The following TMLHE variants were observed in gnomAD, a reference collection of about 807,000 sequenced individuals.
TMLHE encodes the protein trimethyllysine hydroxylase, epsilon, also known as trimethyllysine dioxygenase, mitochondrial.
TMLHE carries 18 observed loss-of-function variants against 25.7 expected under a neutral mutation model. That is an observed-to-expected ratio of 0.70 (90% CI 0.48 to 1.04). The LOEUF is 1.04. TMLHE is among the 50% of genes least tolerant of loss of function. TMLHE has a pLI of 0.00. For missense variants in TMLHE, 236 were observed against 259.0 expected (o/e 0.91, Z 0.61); for synonymous variants, 105 against 97.0 (o/e 1.08, Z -0.49).
At chrX:155,540,284 A>C (rs1279074028) in intron 2 of TMLHE, among the ~76,000 whole-genome samples, 2 of 111,608 alleles carry the variant, frequency 1.8e-5, no homozygotes, top group Non-Finnish European at 3.8e-5. Context: ...AGAATCTTGA[A>C]AGTGGCAAGA....
intron 5 of TMLHE, among the ~76,000 whole-genome samples, chrX:155,508,912 G>A (rs2067091365): frequency 9.0e-6 from 1 of 110,657 alleles, no homozygotes; most frequent in Non-Finnish European, 1.9e-5. Flanking sequence ...AAAAAACATG[G>A]CTGTAGCTAA....
rs2067491626 is a variant in TMLHE at position 155,560,657 on chromosome X, A to T, written c.-1-15380T>A. On this transcript the variant is annotated intron_variant, in intron 1 of 7. Transcript: ENST00000334398. ...AATGCAAAGGCTCTAAGTTGTGATT[A>T]TATCTGTTGTGGCCAAAAGAAAAAA... 3.8e-5 allele frequency among the ~76,000 whole-genome samples: 2 copies of T among 51,998 alleles called. 1 individual carries two copies. Among genetic ancestry groups the T allele is most frequent in the Non-Finnish European group, 1.1e-4 (2 of 18,871 alleles). 45.2% of individuals were successfully genotyped at this position (51,998 alleles called of 115,157 possible). A position where few individuals can be genotyped will look rare whatever the true frequency, so the allele number is the denominator to read the frequency against.
chrX:155,549,575 T>C lies in TMLHE; in HGVS notation c.-1-4298A>G, dbSNP rs782621979. Among the ~76,000 whole-genome samples the C allele has an allele frequency of 3.2e-4, 35 of 110,679 alleles. No individual in the cohort carries two copies. The South Asian group carries it at 5.7e-3, about 18-fold the overall frequency. On this transcript the variant is annotated intron_variant, in intron 1 of 7. Coordinates refer to ENST00000334398, the MANE Select transcript of TMLHE (RefSeq NM_018196.4). ...CCTTGCATTTCTGGAATAAACCCCA[T>C]TTGATTATGATATATTATCCTTTTT...
At chrX:155,537,147 G>A (rs1405808970) in intron 2 of TMLHE, among the ~76,000 whole-genome samples, 1 of 112,101 alleles carries the variant, frequency 8.9e-6, no homozygotes, top group Admixed American at 9.4e-5. Flanking sequence ...AATCAAGGCA[G>A]TAAAATCAGA....
rs1403524694 is a variant in TMLHE at position 155,551,973 on chromosome X, G to GT, written c.-1-6697dup. Among the ~76,000 whole-genome samples the GT allele has an allele frequency of 4.8e-4, 52 of 108,825 alleles. 1 individual carries two copies. Among genetic ancestry groups the GT allele is most frequent in the African/African-American group, 8.2e-4 (24 of 29,279 alleles). The allele number at this position is 108,825 out of a possible 115,157, so 94.5% of individuals were successfully genotyped here. On this transcript the variant is annotated intron_variant, in intron 1 of 7. Coordinates refer to ENST00000334398, the MANE Select transcript of TMLHE (RefSeq NM_018196.4). The stretch of plus-strand genomic sequence containing the variant: ...TCATAAATGGATGTTGAATTTTAGG[G>GT]TTTTTTTTGCATTTATTGATTTGAC...
chrX:155,542,301 C>T (rs781950187), intron 2 of TMLHE, among the ~76,000 whole-genome samples: 7 of 111,597 alleles, frequency 6.3e-5, no homozygotes, highest in South Asian at 7.6e-4. Context: ...ATAAACTTAA[C>T]CAAGTTAGTG....
At chrX:155,579,193 A>T (rs2067609874) in intron 1 of TMLHE, among the ~76,000 whole-genome samples, 1 of 53,095 alleles carries the variant, frequency 1.9e-5, no homozygotes, top group Non-Finnish European at 5.0e-5. Context: ...TAACCTACAG[A>T]TTAAATTGCA....
At chrX:155,574,992 G>A (rs1203347460) in intron 1 of TMLHE, among the ~76,000 whole-genome samples, 1 of 111,859 alleles carries the variant, frequency 8.9e-6, no homozygotes, top group African/African-American at 3.2e-5. Flanking sequence ...ACCTGTATTA[G>A]TTTACTAAGA....
At chrX:155,535,478 G>C (rs1384438296) in intron 2 of TMLHE, among the ~76,000 whole-genome samples, 2 of 111,392 alleles carry the variant, frequency 1.8e-5, no homozygotes, top group Non-Finnish European at 3.8e-5. Context: ...CCATCATGAG[G>C]ACTCCACCCT....
At chrX:155,601,185 C>T (rs1402454375) in intron 1 of TMLHE, among the ~76,000 whole-genome samples, 2 of 111,972 alleles carry the variant, frequency 1.8e-5, no homozygotes, top group Non-Finnish European at 3.8e-5. Flanking sequence ...AACAGACCTA[C>T]CCTACAAAAA....
At chrX:155,612,370 C>A (rs1347975470) in intron 1 of TMLHE, 2 of 111,691 alleles carry the variant, frequency 1.8e-5, no homozygotes, top group East Asian at 5.6e-4. Flanking sequence ...ACTCTACTGC[C>A]GAACAAAGTG....
At chrX:155,598,265 C>T (rs925652631) in intron 1 of TMLHE, among the ~76,000 whole-genome samples, 2 of 110,560 alleles carry the variant, frequency 1.8e-5, no homozygotes, top group Admixed American at 9.6e-5. Context: ...ATGTTTATTG[C>T]GGCACTATTC....
rs1281499473 is a variant in TMLHE at position 155,561,270 on chromosome X, G to T, written c.-1-15993C>A. On this transcript the variant is annotated intron_variant, in intron 1 of 7. Coordinates refer to ENST00000334398, the MANE Select transcript of TMLHE (RefSeq NM_018196.4). ...CTTACAATCACAGCAGAAGGTGAAG[G>T]GAAAGCAAGGCACGTCTTACATGAT... Among the ~76,000 whole-genome samples, 3 of 61,274 alleles carry T rather than the reference G, an allele frequency of 4.9e-5. 1 individual carries two copies. Among genetic ancestry groups the T allele is most frequent in the African/African-American group, 1.1e-4 (3 of 27,622 alleles). The allele number at this position is 61,274 out of a possible 115,157, so 53.2% of individuals were successfully genotyped here.
chrX:155,521,866 C>G (rs988810495), intron 3 of TMLHE, among the ~76,000 whole-genome samples: 1 of 85,309 alleles, frequency 1.2e-5, no homozygotes, highest in Admixed American at 1.3e-4. Context: ...GGCAATGCCT[C>G]GCCCTGCTTC....
intron 1 of TMLHE, among the ~76,000 whole-genome samples, chrX:155,555,742 T>C (rs1305765169): frequency 1.8e-5 from 2 of 110,927 alleles, no homozygotes; most frequent in African/African-American, 6.6e-5. Context: ...GTAAGTTTGT[T>C]TGAGTTCTTT....
At chrX:155,533,984 A>G (rs186173928) in intron 2 of TMLHE, among the ~76,000 whole-genome samples, 1 of 111,920 alleles carries the variant, frequency 8.9e-6, no homozygotes, top group Non-Finnish European at 1.9e-5. Context: ...TATGTTTGAA[A>G]GAGAATACTA....
At chrX:155,527,446 C>T (rs1275410792) in intron 2 of TMLHE, among the ~76,000 whole-genome samples, 1 of 111,937 alleles carries the variant, frequency 8.9e-6, no homozygotes, top group African/African-American at 3.3e-5. Flanking sequence ...GTCAATTAAA[C>T]TTCTTTTCTT....
intron 1 of TMLHE, among the ~76,000 whole-genome samples, chrX:155,576,440 C>T (rs2067589722): frequency 8.9e-6 from 1 of 111,776 alleles, no homozygotes; most frequent in African/African-American, 3.3e-5. Context: ...CTACCCAAAG[C>T]ATTTTACAGA....
intron 1 of TMLHE, among the ~76,000 whole-genome samples, chrX:155,548,450 T>TGACATAAACG (rs2067371666): frequency 9.0e-6 from 1 of 111,069 alleles, no homozygotes; most frequent in Non-Finnish European, 1.9e-5. Flanking sequence ...AAAGACATCC[T>TGACATAAACG]ACAGGCTGGG....
Sources: gnomAD v4.1 joint callset for allele counts (sites outside exome capture counted in the v4.1 genomes callset) on GRCh38, gnomAD v4.1.1 for gene constraint, MANE v1.5 for transcripts, NCBI Gene and HGNC (gene_info 2026-07-23, HGNC 2026-07-21) for gene names.